TCF3: variants seen among roughly 807,000 people sequenced by gnomAD.
The protein encoded by TCF3 is transcription factor 3, also known as transcription factor E2-alpha.
Under a neutral mutation model 72.3 loss-of-function variants are expected in TCF3, and 54 were observed. That is an observed-to-expected ratio of 0.75 (90% CI 0.60 to 0.94). The LOEUF (loss-of-function observed/expected upper bound fraction) is 0.94. Ranked by LOEUF, TCF3 falls within the 40% of genes least tolerant of loss-of-function variation. TCF3 has a pLI of 0.00. For missense variants in TCF3, 1,078 were observed against 934.4 expected, an observed-to-expected ratio of 1.15 and a Z score of -2.00; for synonymous variants, 525 against 412.6, an observed-to-expected ratio of 1.27 and a Z score of -3.30.
At chr19:1,612,150 G>A in intron 18 of TCF3, 1 of 1,498,988 alleles carries the variant, frequency 6.7e-7, no homozygotes. Flanking sequence ...CCCAGCATCT[G>A]CACCTGGGTG....
chr19:1,638,155 C>G (rs2064719873), intron 3 of TCF3, among the ~76,000 whole-genome samples: 1 of 152,194 alleles, frequency 6.6e-6, no homozygotes. Context: ...ACAAGGAAAG[C>G]CCTCTGGGGG....
chr19:1,617,912 C>A (rs1016835040), intron 16 of TCF3, among the ~76,000 whole-genome samples: 2 of 152,156 alleles, frequency 1.3e-5, no homozygotes, highest in Admixed American at 6.5e-5. Context: ...ACCCAGTGTC[C>A]CCTGGGGGCA....
At chr19:1,631,882 C>G (rs995854037) in intron 5 of TCF3, 156 bp downstream of exon 5, 9 of 1,520,934 alleles carry the variant, frequency 5.9e-6, no homozygotes, top group Non-Finnish European at 7.9e-6. Flanking sequence ...TGCACCTCCC[C>G]GCAGCTGCTC....
chr19:1,648,354 G>A (rs149630782), intron 2 of TCF3, among the ~76,000 whole-genome samples: 116 of 152,292 alleles, frequency 7.6e-4, no homozygotes, highest in African/African-American at 2.4e-3. Context: ...TAAAGCCCGA[G>A]GGGGGACGCC....
chr19:1,613,556 T>G (rs1358580465), intron 18 of TCF3, among the ~76,000 whole-genome samples: 1 of 152,062 alleles, frequency 6.6e-6, no homozygotes, highest in African/African-American at 2.4e-5. Context: ...TGCGGGGTGA[T>G]GGACAGCTAG....
Position 1,622,372 on chromosome 19 carries a change from G to A in TCF3, c.593C>T (p.Thr198Ile). ...SSGEDYGRDA[T>I]AYPSAKTPSS... ...GGGGGTCTTGGCGGACGGGTAGGCG[G>A]TGGCATCCCTGCCGTAGTCCTCACC... Residue 198 changes from threonine to isoleucine, a missense_variant, in exon 9 of 19, where the codon ACC (threonine) becomes ATC (isoleucine). Physicochemically the swap from Thr to Ile is moderately conservative, Grantham distance 89. Coordinates refer to ENST00000262965, the MANE Select transcript of TCF3 (RefSeq NM_003200.5). The A allele has an allele frequency of 6.6e-7, 1 of 1,524,550 alleles. No homozygotes were observed. The allele number at this position is 1,524,550 out of a possible 1,614,324, so 94.4% of individuals were successfully genotyped here.
At chr19:1,624,291 G>C (rs530743754) in intron 7 of TCF3, among the ~76,000 whole-genome samples, 2 of 152,168 alleles carry the variant, frequency 1.3e-5, no homozygotes, top group South Asian at 4.1e-4. Context: ...AGCTACTCGG[G>C]AGGCCGAGGC....
In TCF3 at chr19:1,615,441, C is replaced by A. The variant is rs574376071; in HGVS notation, c.1666G>T (p.Ala556Ser). ...TCACGGACCCGCAGCCGCTCCCGGG[C>A]GTTATTGGCCACCCGGCGCTCCTTC... ...REKERRVANN[A>S]RERLRVRDIN... The change falls in exon 18 of 19, where the codon GCC becomes TCC. Residue 556 changes from alanine to serine, a missense_variant. Coordinates refer to ENST00000262965, the MANE Select transcript of TCF3 (RefSeq NM_003200.5). This position sits in a 1 kb window ranked among gnomAD's most constrained non-coding sequence, Gnocchi z 7.3. The A allele has an allele frequency of 1.9e-6, 3 of 1,613,500 alleles. No individual in the cohort carries two copies. The highest frequency in any genetic ancestry group is 1.7e-4 in the Middle Eastern group (1 of 6,060).
chr19:1,611,575 T>C lies in TCF3; in HGVS notation c.*132A>G, dbSNP rs1015626274. On this transcript the variant is annotated 3_prime_UTR_variant, in exon 19 of 19. Coordinates refer to ENST00000262965, the MANE Select transcript of TCF3 (RefSeq NM_003200.5). ...CCCCATCACTCCGAACCTTGTCAGG[T>C]TGGTGTTGGCTCGATGCTGACAACA... 6.3e-6 allele frequency: 8 copies of C among 1,270,626 alleles called. No homozygotes were observed. In the African/African-American group the frequency reaches 1.1e-4, roughly 17 times the overall value. The allele number at this position is 1,270,626 out of a possible 1,614,324, so 78.7% of individuals were successfully genotyped here. A position where few individuals can be genotyped will look rare whatever the true frequency, so the allele number is the denominator to read the frequency against.
chr19:1,620,894 C>T, intron 13 of TCF3, 74 bp downstream of exon 13: 6 of 1,348,200 alleles, frequency 4.5e-6, no homozygotes, highest in Non-Finnish European at 5.8e-6. Flanking sequence ...GCAAAGCCTT[C>T]ACAGACCTCA....
At chr19:1,621,763 C>T (rs944726031) in intron 11 of TCF3, 75 bp downstream of exon 11, 4 of 1,461,832 alleles carry the variant, frequency 2.7e-6, no homozygotes, top group African/African-American at 2.8e-5. Context: ...GTGGAGTCCT[C>T]GCCACCCCCC....
intron 2 of TCF3, among the ~76,000 whole-genome samples, chr19:1,647,724 T>C (rs1421441418): frequency 2.6e-5 from 4 of 152,190 alleles, no homozygotes; most frequent in Non-Finnish European, 5.9e-5. Flanking sequence ...TTCTATCTGC[T>C]TTGTCCCCTA....
intron 3 of TCF3, among the ~76,000 whole-genome samples, chr19:1,643,538 G>A (rs1364076602): frequency 2.0e-5 from 3 of 150,400 alleles, no homozygotes; most frequent in Admixed American, 6.6e-5. Context: ...GTTTGTTTGA[G>A]TTGGGGTCTC....
Position 1,650,174 on chromosome 19 carries a change from C to T in TCF3, c.72+3G>A, listed in dbSNP as rs369855180. ...CGGGGGCTGGGCGGGGGTCCTGGCT[C>T]ACCATGCTGAAGTCCAGGAGGTCAC... On this transcript the variant is annotated splice_donor_region_variant and intron_variant, in intron 2 of 18. Coordinates refer to ENST00000262965, the MANE Select transcript of TCF3 (RefSeq NM_003200.5). 45 of 1,566,852 alleles carry T rather than the reference C, an allele frequency of 2.9e-5. No individual in the cohort carries two copies. Among genetic ancestry groups the T allele is most frequent in the Non-Finnish European group, 3.6e-5 (42 of 1,157,296 alleles).
rs540088206 is a variant in TCF3, at chr19:1,632,780, G to A, written c.146-375C>T. Among the ~76,000 whole-genome samples, 91 of 152,256 alleles carry A rather than the reference G, an allele frequency of 6.0e-4. 2 individuals carry two copies. The highest frequency in any genetic ancestry group is 1.8e-4 in the Non-Finnish European group (12 of 68,014). On this transcript the variant is annotated intron_variant, in intron 3 of 18. Coordinates refer to ENST00000262965, the MANE Select transcript of TCF3 (RefSeq NM_003200.5). ...TGGCCCAGCCCTGACTATGTGGACTGGGGTCTCTGTGTCAGATGCAGACTC... is the reference window on the plus strand; with the variant it reads ...TGGCCCAGCCCTGACTATGTGGACTAGGGTCTCTGTGTCAGATGCAGACTC...
At position 1,619,839 on chromosome 19, in the gene TCF3, G is replaced by A. The variant is rs2061972157; in HGVS notation, c.1108C>T (p.Pro370Ser). 6 of 1,578,704 alleles carry A rather than the reference G, an allele frequency of 3.8e-6. No homozygotes were observed. Among genetic ancestry groups the A allele is most frequent in the South Asian group, 1.2e-5 (1 of 85,844 alleles). The part of the protein sequence containing the change: ...PQGLAGTSQW[P>S]RAGAPGALSP... ...AAGGCACCGGGGGCTCCTGCTCGAGGCCACTGTGACGTTCCTGGAAGGGAG... is the reference window on the plus strand; with the variant it reads ...AAGGCACCGGGGGCTCCTGCTCGAGACCACTGTGACGTTCCTGGAAGGGAG... Residue 370 changes from proline (P) to serine (S), a missense_variant, in exon 14 of 19, where the codon CCT becomes TCT. Transcript: ENST00000262965.
chr19:1,645,892 A>G (rs887309688), intron 3 of TCF3, among the ~76,000 whole-genome samples: 8 of 152,230 alleles, frequency 5.3e-5, no homozygotes, highest in African/African-American at 1.9e-4. Flanking sequence ...GGCCCTGCAT[A>G]CAGCAAGCGC....
rs1420150574 is a variant in TCF3 at position 1,609,559 on chromosome 19, C to T, written c.*2148G>A. On this transcript the variant is annotated 3_prime_UTR_variant, in exon 19 of 19. Coordinates refer to ENST00000262965, the MANE Select transcript of TCF3 (RefSeq NM_003200.5). ...AATCTCGTTTGAATTCTATGCAGAA[C>T]GCACAGTTCCAGAGGCTATGGGGCC... The T allele has an allele frequency of 9.1e-6, 2 of 219,164 alleles. No individual in the cohort carries two copies. Among genetic ancestry groups the T allele is most frequent in the Non-Finnish European group, 1.8e-5 (2 of 109,740 alleles). The allele number at this position is 219,164 out of a possible 1,614,324, so 13.6% of individuals were successfully genotyped here. A position where few individuals can be genotyped will look rare whatever the true frequency, so the allele number is the denominator to read the frequency against.
chr19:1,626,880 G>A (rs2062947597), intron 6 of TCF3, among the ~76,000 whole-genome samples: 1 of 152,094 alleles, frequency 6.6e-6, no homozygotes, highest in African/African-American at 2.4e-5. Context: ...GGCGGGGACA[G>A]AGATGAAGTC....
Sources: gnomAD v4.1 joint callset for allele counts (sites outside exome capture counted in the v4.1 genomes callset) on GRCh38, gnomAD v4.1.1 for gene constraint, Gnocchi (gnomAD v3.1) non-coding constraint, MANE v1.5 for transcripts, NCBI Gene and HGNC (gene_info 2026-07-23, HGNC 2026-07-21) for gene names.